The following EYS variants were observed in gnomAD, a reference collection of about 807,000 sequenced individuals.
EYS encodes the protein protein eyes shut homolog.
A neutral mutation model predicts 282.1 loss-of-function variants in EYS; 250 were observed. The ratio of observed to expected loss-of-function variants is 0.89; its 90% CI spans 0.80 to 0.98. The LOEUF (loss-of-function observed/expected upper bound fraction) is 0.98, where lower values mean the gene tolerates loss of function less well. EYS is among the 50% of genes least tolerant of loss of function. The pLI, the probability that EYS is intolerant of heterozygous loss-of-function variation, is 0.00. For synonymous variants in EYS, 1,355 were observed against 1,282.9 expected, an observed-to-expected ratio of 1.06 and a Z score of -1.20; for missense variants, 4,016 against 3,709.0, an observed-to-expected ratio of 1.08 and a Z score of -2.15.
intron 12 of EYS, among the ~76,000 whole-genome samples, chr6:65,173,467 A>G (rs1246971589): frequency 6.6e-6 from 1 of 151,314 alleles, no homozygotes; most frequent in Non-Finnish European, 1.5e-5. Context: ...TCAAACACCA[A>G]TAAATTTTCC....
chr6:63,773,599 A>G (rs567550980), intron 40 of EYS, among the ~76,000 whole-genome samples: 1 of 152,348 alleles, frequency 6.6e-6, no homozygotes, highest in South Asian at 2.1e-4. Context: ...TTGGCAGTGG[A>G]AAACCAGGAA....
rs143939038 is a variant in EYS, at chr6:65,422,809, C to CATAT, written c.863-17446_863-17443dup. 1.6e-3 allele frequency among the ~76,000 whole-genome samples: 237 copies of CATAT among 150,204 alleles called. 1 individual carries two copies. Among genetic ancestry groups the CATAT allele is most frequent in the Non-Finnish European group, 2.0e-3 (135 of 67,354 alleles). On this transcript the variant is annotated intron_variant, in intron 5 of 42. Transcript: ENST00000503581. ...AAAAGCCTCTCTCTATATAGAGAGA[C>CATAT]ATATATATATATACATATATACACA...
At chr6:64,877,718 A>G (rs1766791973) in intron 19 of EYS, among the ~76,000 whole-genome samples, 1 of 152,202 alleles carries the variant, frequency 6.6e-6, no homozygotes, top group Non-Finnish European at 1.5e-5. Context: ...GGATTGAAAG[A>G]GAATAGGTAG....
intron 12 of EYS, among the ~76,000 whole-genome samples, chr6:65,251,507 C>T (rs1195752649): frequency 6.6e-6 from 1 of 151,096 alleles, no homozygotes; most frequent in Non-Finnish European, 1.5e-5. Context: ...AATATATAAT[C>T]AAGATAGAGA....
At chr6:64,589,675 G>A (rs981159701) in intron 26 of EYS, among the ~76,000 whole-genome samples, 21 of 151,928 alleles carry the variant, frequency 1.4e-4, no homozygotes, top group Admixed American at 6.6e-4. Context: ...TTTTTGCATA[G>A]TGCTTTTGTT....
chr6:64,403,381 G>A (rs1025662734), intron 28 of EYS, among the ~76,000 whole-genome samples: 2 of 151,486 alleles, frequency 1.3e-5, no homozygotes, highest in African/African-American at 4.9e-5. Context: ...TTCTGAGATG[G>A]CGTCTCGCTC....
intron 16 of EYS, among the ~76,000 whole-genome samples, chr6:64,911,468 T>C (rs1767987907): frequency 1.3e-5 from 2 of 152,158 alleles, no homozygotes; most frequent in African/African-American, 4.8e-5. Context: ...TTAAGGAAGT[T>C]TTAATGCAAA....
chr6:65,296,422 G>T (rs1768667397), intron 11 of EYS, among the ~76,000 whole-genome samples: 1 of 151,782 alleles, frequency 6.6e-6, no homozygotes, highest in Non-Finnish European at 1.5e-5. Context: ...ATGCTAATGT[G>T]TGTGTCTGTG....
intron 35 of EYS, among the ~76,000 whole-genome samples, chr6:63,894,415 G>A (rs1388462916): frequency 2.6e-5 from 4 of 152,110 alleles, no homozygotes; most frequent in Non-Finnish European, 5.9e-5. Context: ...GCTGCTAGGA[G>A]TCAAGGAACA....
At chr6:63,756,927 C>T (rs1769500723) in intron 41 of EYS, among the ~76,000 whole-genome samples, 1 of 152,068 alleles carries the variant, frequency 6.6e-6, no homozygotes, top group African/African-American at 2.4e-5. Context: ...TGAGAATGTA[C>T]ATCACCTCAG....
rs536361389 is a variant in EYS, at chr6:65,268,599, A to G, written c.2023+27264T>C. On this transcript the variant is annotated intron_variant, in intron 12 of 42. Transcript: ENST00000503581. ...TAGAAATGGTTATGAAAGCATTGCA[A>G]CCAAGTTAGAACAGTTACTGAGCTT... Among the ~76,000 whole-genome samples the G allele has an allele frequency of 4.6e-5, 7 of 152,206 alleles. No homozygotes were observed. In the East Asian group the frequency reaches 1.2e-3, roughly 25 times the overall value.
At chr6:64,838,616 CT>C (rs1458910629) in intron 19 of EYS, among the ~76,000 whole-genome samples, 3 of 63,416 alleles carry the variant, frequency 4.7e-5, no homozygotes, top group African/African-American at 1.6e-4. Flanking sequence ...TTCTGTTTCT[CT>C]ACACACACAC....
At chr6:64,281,632 G>C (rs561660310) in intron 30 of EYS, among the ~76,000 whole-genome samples, 1 of 152,136 alleles carries the variant, frequency 6.6e-6, no homozygotes, top group African/African-American at 2.4e-5. Flanking sequence ...ACTTTCAATG[G>C]CTGAAAATCT....
chr6:65,350,799 G>A (rs1443489037), intron 9 of EYS, among the ~76,000 whole-genome samples: 1 of 151,562 alleles, frequency 6.6e-6, no homozygotes, highest in Non-Finnish European at 1.5e-5. Context: ...CCTTGAAGGG[G>A]CTTCTTCTAA....
chr6:64,660,486 C>T (rs1366880104), intron 22 of EYS, among the ~76,000 whole-genome samples: 1 of 152,030 alleles, frequency 6.6e-6, no homozygotes, highest in Non-Finnish European at 1.5e-5. Context: ...ATCTAGAAAA[C>T]CCGATCATCT....
At chr6:63,883,845 G>T (rs1319099855) in intron 35 of EYS, among the ~76,000 whole-genome samples, 1 of 152,104 alleles carries the variant, frequency 6.6e-6, no homozygotes, top group African/African-American at 2.4e-5. Context: ...CATGGCTGAC[G>T]CCTTCTCATC....
rs565304989 is a variant in EYS at position 64,689,694 on chromosome 6, T to G, written c.3444-63449A>C. Among the ~76,000 whole-genome samples, 4 of 152,292 alleles carry G rather than the reference T, an allele frequency of 2.6e-5. No individual in the cohort carries two copies. The East Asian group carries it at 7.7e-4, about 29-fold the overall frequency. On this transcript the variant is annotated intron_variant, in intron 22 of 42. Coordinates refer to ENST00000503581, the MANE Select transcript of EYS (RefSeq NM_001142800.2). ...ACTACACACCTAGAACCATCTGATC[T>G]TTGACAAACCTGACAAAAACAAGCA...
intron 1 of EYS, among the ~76,000 whole-genome samples, chr6:65,641,844 A>G (rs1459259668): frequency 1.3e-5 from 2 of 151,956 alleles, no homozygotes; most frequent in Non-Finnish European, 2.9e-5. Flanking sequence ...GACTTCTTTA[A>G]GTTAAAAAGC....
In EYS at chr6:65,612,652, A is replaced by T. The variant is rs1199408880; in HGVS notation, c.-333+27126T>A. On this transcript the variant is annotated intron_variant, in intron 2 of 42. Coordinates refer to ENST00000503581, the MANE Select transcript of EYS (RefSeq NM_001142800.2). The stretch of plus-strand genomic sequence containing the variant: ...TGTTAATATCATTTAATTAAAATAC[A>T]TTGTGGATATTGGTATTACATAATC... Among the ~76,000 whole-genome samples the T allele has an allele frequency of 3.3e-5, 5 of 151,948 alleles. No homozygotes were observed. In the South Asian group the frequency reaches 6.2e-4, roughly 19 times the overall value.
Sources: gnomAD v4.1 joint callset for allele counts (sites outside exome capture counted in the v4.1 genomes callset) on GRCh38, gnomAD v4.1.1 for gene constraint, MANE v1.5 for transcripts, NCBI Gene and HGNC (gene_info 2026-07-23, HGNC 2026-07-21) for gene names.